The following KAT6B variants were observed in gnomAD, a reference collection of about 807,000 sequenced individuals.
The protein encoded by KAT6B is histone acetyltransferase KAT6B.
A neutral mutation model predicts 187.5 loss-of-function variants in KAT6B; 10 were observed. The ratio of observed to expected loss-of-function variants is 0.05; its 90% CI spans 0.03 to 0.09. The LOEUF (loss-of-function observed/expected upper bound fraction) is 0.09. Among genes scored for constraint, KAT6B ranks in the 10% least tolerant of loss-of-function variants. KAT6B has a pLI of 1.00. For synonymous variants in KAT6B, 861 were observed against 926.8 expected (o/e 0.93, Z 1.29); for missense variants, 1,952 against 2,558.9 (o/e 0.76, Z 5.12).
intron 3 of KAT6B, among the ~76,000 whole-genome samples, chr10:74,872,949 CTT>C (rs1434530678): frequency 2.0e-5 from 3 of 152,098 alleles, no homozygotes; most frequent in East Asian, 1.9e-4. Flanking sequence ...AGATGATACT[CTT>C]ATATCAATGT....
chr10:74,963,313 A>G (rs1841231686), intron 4 of KAT6B, among the ~76,000 whole-genome samples: 1 of 152,236 alleles, frequency 6.6e-6, no homozygotes, highest in African/African-American at 2.4e-5. Flanking sequence ...ATTATACCAA[A>G]TGAAATTTTG....
intron 3 of KAT6B, among the ~76,000 whole-genome samples, chr10:74,877,461 A>G (rs915475696): frequency 3.9e-5 from 6 of 152,226 alleles, no homozygotes; most frequent in African/African-American, 1.4e-4. Flanking sequence ...GAACCAGAGT[A>G]GGCTCAGAGA....
At chr10:74,916,292 T>C (rs1194418488) in intron 3 of KAT6B, among the ~76,000 whole-genome samples, 1 of 152,270 alleles carries the variant, frequency 6.6e-6, no homozygotes, top group East Asian at 1.9e-4. Context: ...CATCTATAGT[T>C]CCAAATGTTT....
chr10:74,869,543 C>T (rs1211378965), intron 3 of KAT6B, among the ~76,000 whole-genome samples: 1 of 152,166 alleles, frequency 6.6e-6, no homozygotes, highest in East Asian at 1.9e-4. Context: ...GCCTGGGCCT[C>T]CCAAAGTGCT....
intron 2 of KAT6B, 91 bp downstream of exon 2, chr10:74,838,843 G>T (rs2132033101): frequency 6.6e-6 from 1 of 152,234 alleles, no homozygotes; most frequent in South Asian, 2.1e-4. Flanking sequence ...TTGTTTTATG[G>T]ATATAAATGA....
chr10:74,891,048 A>G (rs1845615761), intron 3 of KAT6B, among the ~76,000 whole-genome samples: 1 of 152,268 alleles, frequency 6.6e-6, no homozygotes, highest in Admixed American at 6.5e-5. Context: ...AATAAGAGGT[A>G]AAATTGAACA....
chr10:74,989,288 G>T (rs1297670792), intron 13 of KAT6B, among the ~76,000 whole-genome samples, 176 bp downstream of exon 13: 1 of 152,164 alleles, frequency 6.6e-6, no homozygotes, highest in East Asian at 1.9e-4. Flanking sequence ...ATGTACTGCT[G>T]CTCAGTGATT....
rs1442407573 is a variant in KAT6B, at chr10:75,022,153, A to G, written c.3294A>G (p.Glu1098=). Residue 1098 remains glutamate (E), a synonymous_variant, in exon 16 of 18, where the codon GAA becomes GAG. Coordinates refer to ENST00000287239, the MANE Select transcript of KAT6B (RefSeq NM_012330.4). The part of the protein sequence containing the change: ...EEDEEEEEEE[E]EEEEEENIQS... ...ATGAAGAGGAGGAAGAAGAGGAAGA[A>G]GAAGAAGAAGAAGAAGAAAATATTC... The G allele has an allele frequency of 3.2e-6, 5 of 1,568,558 alleles. No individual in the cohort carries two copies. In the South Asian group the frequency reaches 4.9e-5, roughly 15 times the overall value.
At chr10:74,889,820 G>A (rs1238243958) in intron 3 of KAT6B, among the ~76,000 whole-genome samples, 1 of 152,174 alleles carries the variant, frequency 6.6e-6, no homozygotes, top group Non-Finnish European at 1.5e-5. Context: ...GTGTAAACAG[G>A]GCATAGTGTG....
chr10:74,982,491 TG>T (rs1842572878), intron 11 of KAT6B: 1 of 155,358 alleles, frequency 6.4e-6, no homozygotes, highest in African/African-American at 2.4e-5. Context: ...TCTGTCATTG[TG>T]GGTTTCTTGA....
At chr10:75,024,389 T>C (rs1478602090) in intron 16 of KAT6B, 2 of 153,956 alleles carry the variant, frequency 1.3e-5, no homozygotes, top group African/African-American at 4.8e-5. Flanking sequence ...TTGACTTTGT[T>C]AACATTTTAA....
chr10:74,929,080 G>C (rs1270396344), intron 3 of KAT6B, among the ~76,000 whole-genome samples: 2 of 152,202 alleles, frequency 1.3e-5, no homozygotes, highest in South Asian at 2.1e-4. Flanking sequence ...TGCTACATAA[G>C]ACTGCGTGGT....
chr10:74,927,309 C>T (rs147040525), intron 3 of KAT6B, among the ~76,000 whole-genome samples: 3 of 152,106 alleles, frequency 2.0e-5, no homozygotes, highest in African/African-American at 7.2e-5. Flanking sequence ...TAAAGCAGAT[C>T]CCTGCAGATT....
intron 1 of KAT6B, among the ~76,000 whole-genome samples, chr10:74,838,329 T>A (rs757670585): frequency 2.6e-5 from 4 of 152,214 alleles, no homozygotes; most frequent in Admixed American, 6.5e-5. Flanking sequence ...ATGTTATATC[T>A]GTTTGGCTAT....
intron 13 of KAT6B, among the ~76,000 whole-genome samples, chr10:75,001,337 G>A (rs1034083135): frequency 2.0e-5 from 3 of 152,092 alleles, no homozygotes; most frequent in African/African-American, 7.3e-5. Flanking sequence ...AGGAAGCACC[G>A]CATTGGAAGA....
chr10:74,949,961 A>T (rs1429176078), intron 3 of KAT6B, among the ~76,000 whole-genome samples: 2 of 152,348 alleles, frequency 1.3e-5, no homozygotes, highest in South Asian at 4.1e-4. Flanking sequence ...ATCTCCATAC[A>T]TTAACAATAA....
chr10:75,006,649 C>T (rs1844221280), intron 13 of KAT6B, among the ~76,000 whole-genome samples: 1 of 151,616 alleles, frequency 6.6e-6, no homozygotes, highest in African/African-American at 2.4e-5. Flanking sequence ...TTTATGTTGT[C>T]CAGGCTGGTC....
intron 3 of KAT6B, among the ~76,000 whole-genome samples, chr10:74,954,484 A>AAGAGGG (rs1383548935): frequency 2.6e-5 from 4 of 152,170 alleles, no homozygotes; most frequent in Admixed American, 1.3e-4. Flanking sequence ...TGAAGCGGAA[A>AAGAGGG]AAAAAAAGAA....
intron 13 of KAT6B, among the ~76,000 whole-genome samples, chr10:75,009,476 AT>A (rs1844444424): frequency 6.6e-6 from 1 of 152,262 alleles, no homozygotes; most frequent in African/African-American, 2.4e-5. Flanking sequence ...ATATTAGTAT[AT>A]TGTGGTGAAG....
Sources: gnomAD v4.1 joint callset for allele counts (sites outside exome capture counted in the v4.1 genomes callset) on GRCh38, gnomAD v4.1.1 for gene constraint, MANE v1.5 for transcripts, NCBI Gene and HGNC (gene_info 2026-07-23, HGNC 2026-07-21) for gene names.